MSRA: variants seen among roughly 807,000 people sequenced by gnomAD.
MSRA encodes the protein methionine sulfoxide reductase A, also known as mitochondrial peptide methionine sulfoxide reductase.
Under a neutral mutation model 31.3 loss-of-function variants are expected in MSRA, and 54 were observed. That is an observed-to-expected ratio of 1.73 (90% confidence interval 1.39 to 2.17). The LOEUF is 2.17. MSRA is among the 30% of genes most tolerant of loss of function. MSRA has a pLI of 0.00. For synonymous variants in MSRA, 169 were observed against 116.5 expected (o/e 1.45, Z -2.90); for missense variants, 507 against 300.9 (o/e 1.69, Z -5.07).
At chr8:10,109,562 G>A (rs908673690) in intron 1 of MSRA, among the ~76,000 whole-genome samples, 1 of 151,928 alleles carries the variant, frequency 6.6e-6, no homozygotes, top group Non-Finnish European at 1.5e-5. Flanking sequence ...GGCTGGTCTC[G>A]AATTCCTGAA....
rs372455711 is a variant in MSRA at position 10,146,437 on chromosome 8, C to T, written c.143-61396C>T. On this transcript the variant is annotated intron_variant, in intron 1 of 5. Coordinates refer to ENST00000317173, the MANE Select transcript of MSRA (RefSeq NM_012331.5). ...TTCTCTCCCTGGGATGCTCTTGCAT[C>T]GGTAGAGAACTGTGAGTAAAACAGC... Among the ~76,000 whole-genome samples, 5 of 152,138 alleles carry T rather than the reference C, an allele frequency of 3.3e-5. No individual in the cohort carries two copies. The East Asian group carries it at 5.8e-4, about 18-fold the overall frequency.
intron 5 of MSRA, among the ~76,000 whole-genome samples, chr8:10,426,633 G>A (rs1809183402): frequency 6.6e-6 from 1 of 152,272 alleles, no homozygotes; most frequent in African/African-American, 2.4e-5. Flanking sequence ...GGGGAATGCA[G>A]TCTGCGAGCT....
intron 5 of MSRA, among the ~76,000 whole-genome samples, chr8:10,345,273 G>T (rs998120672): frequency 8.5e-5 from 13 of 152,216 alleles, no homozygotes; most frequent in Admixed American, 2.6e-4. Context: ...GGCTGTTAGT[G>T]TAATGGTCTT....
intron 1 of MSRA, among the ~76,000 whole-genome samples, chr8:10,205,096 GA>G (rs1195559027): frequency 1.3e-5 from 2 of 152,136 alleles, no homozygotes; most frequent in African/African-American, 2.4e-5. Flanking sequence ...ACTGTGGCCT[GA>G]GAGTCATGGG....
At chr8:10,143,810 A>G (rs549851463) in intron 1 of MSRA, among the ~76,000 whole-genome samples, 1 of 152,238 alleles carries the variant, frequency 6.6e-6, no homozygotes, top group Non-Finnish European at 1.5e-5. Flanking sequence ...TCCAGACAAA[A>G]AGTTGTTTTA....
intron 1 of MSRA, among the ~76,000 whole-genome samples, chr8:10,092,399 C>G (rs1030148415): frequency 2.6e-5 from 4 of 152,154 alleles, no homozygotes; most frequent in African/African-American, 9.7e-5. Flanking sequence ...TGGCTCACGC[C>G]TGTAATCCCA....
intron 5 of MSRA, among the ~76,000 whole-genome samples, chr8:10,422,112 GTC>G (rs1194354804): frequency 2.0e-5 from 3 of 152,168 alleles, no homozygotes; most frequent in Non-Finnish European, 1.5e-5. Context: ...GGGAGACACT[GTC>G]TCTATAAAAA....
chr8:10,146,247 G>T, intron 1 of MSRA, among the ~76,000 whole-genome samples: 1 of 152,332 alleles, frequency 6.6e-6, no homozygotes, highest in South Asian at 2.1e-4. Flanking sequence ...TGATGTTAGA[G>T]TAAACTGAGG....
At chr8:10,116,998 G>A (rs964186152) in intron 1 of MSRA, among the ~76,000 whole-genome samples, 1 of 152,178 alleles carries the variant, frequency 6.6e-6, no homozygotes, top group African/African-American at 2.4e-5. Context: ...TGAGGCAGAG[G>A]CTCAAATGTA....
intron 2 of MSRA, among the ~76,000 whole-genome samples, chr8:10,213,371 A>G (rs965404679): frequency 6.0e-4 from 91 of 150,554 alleles, no homozygotes; most frequent in African/African-American, 2.0e-3. Flanking sequence ...ATGCACTATG[A>G]CAGGGTCTCA....
rs370890420 is a variant in MSRA at position 10,241,337 on chromosome 8, C to G, written c.212-3767C>G. Among the ~76,000 whole-genome samples the G allele has an allele frequency of 1.4e-4, 21 of 152,168 alleles. No homozygotes were observed. In the East Asian group the frequency reaches 3.7e-3, roughly 27 times the overall value. ...CTATGAGACAACTGAGGAGAAGGAG[C>G]CAATTTGAAGAGGGTCTCACTGGCC... is the stretch of plus-strand genomic sequence containing the variant. On this transcript the variant is annotated intron_variant, in intron 2 of 5. Coordinates refer to ENST00000317173, the MANE Select transcript of MSRA (RefSeq NM_012331.5).
At chr8:10,425,811 C>T (rs898529965) in intron 5 of MSRA, among the ~76,000 whole-genome samples, 1 of 152,238 alleles carries the variant, frequency 6.6e-6, no homozygotes, top group African/African-American at 2.4e-5. Flanking sequence ...GCGTTGTGAA[C>T]CCGGAGCCCT....
intron 1 of MSRA, among the ~76,000 whole-genome samples, chr8:10,063,130 A>T (rs1280929994): frequency 6.6e-6 from 1 of 152,084 alleles, no homozygotes; most frequent in South Asian, 2.1e-4. Context: ...TTGACTACAT[A>T]TTTTAATTTC....
chr8:10,395,497 G>T (rs1807040600), intron 5 of MSRA, among the ~76,000 whole-genome samples: 1 of 152,182 alleles, frequency 6.6e-6, no homozygotes, highest in African/African-American at 2.4e-5. Flanking sequence ...CATGGCCACA[G>T]ATGTATTTTA....
intron 1 of MSRA, among the ~76,000 whole-genome samples, chr8:10,063,845 T>G (rs190286960): frequency 1.3e-5 from 2 of 152,206 alleles, no homozygotes; most frequent in South Asian, 4.1e-4. Flanking sequence ...TAAATTGTTA[T>G]AGCAGTCTGG....
chr8:10,407,362 GT>G (rs1252564045), intron 5 of MSRA, among the ~76,000 whole-genome samples: 1 of 152,202 alleles, frequency 6.6e-6, no homozygotes, highest in African/African-American at 2.4e-5. Flanking sequence ...CAGGTGGAGG[GT>G]TGTGGCAGCA....
chr8:10,203,169 A>T (rs1490571509), intron 1 of MSRA, among the ~76,000 whole-genome samples: 1 of 152,116 alleles, frequency 6.6e-6, no homozygotes, highest in Non-Finnish European at 1.5e-5. Flanking sequence ...ATAGCAAGTG[A>T]ACTCCCTCCA....
Position 10,295,107 on chromosome 8 carries a change from A to T in MSRA, c.332-6427A>T, listed in dbSNP as rs145610709. Among the ~76,000 whole-genome samples, 3 of 152,182 alleles carry T rather than the reference A, an allele frequency of 2.0e-5. No individual in the cohort carries two copies. In the East Asian group the frequency reaches 5.8e-4, roughly 30 times the overall value. ...AGAGATCTCTGCTGCTCCCGTCTCT[A>T]AACTGCCTTTAAGCTAATTTCCTGG... On this transcript the variant is annotated intron_variant, in intron 3 of 5. Coordinates refer to ENST00000317173, the MANE Select transcript of MSRA (RefSeq NM_012331.5).
intron 2 of MSRA, among the ~76,000 whole-genome samples, chr8:10,221,688 G>T (rs1395067698): frequency 6.6e-6 from 1 of 152,102 alleles, no homozygotes; most frequent in Admixed American, 6.5e-5. Flanking sequence ...TAAAGCATAT[G>T]GCATGTCAGA....
Sources: gnomAD v4.1 joint callset for allele counts (sites outside exome capture counted in the v4.1 genomes callset) on GRCh38, gnomAD v4.1.1 for gene constraint, MANE v1.5 for transcripts, NCBI Gene and HGNC (gene_info 2026-07-23, HGNC 2026-07-21) for gene names.